The following MYCBP2 variants were observed in gnomAD, a reference collection of about 807,000 sequenced individuals.
MYCBP2 encodes E3 ubiquitin-protein ligase MYCBP2.
MYCBP2 carries 120 observed loss-of-function variants against 525.3 expected under a neutral mutation model. The ratio of observed to expected loss-of-function variants is 0.23; its 90% CI spans 0.20 to 0.27. The LOEUF (loss-of-function observed/expected upper bound fraction) is 0.27. MYCBP2 is among the 10% of genes least tolerant of loss of function. The pLI is 1.00. For synonymous variants in MYCBP2, 1,894 were observed against 1,955.8 expected, an observed-to-expected ratio of 0.97 and a Z score of 0.83; for missense variants, 4,149 against 5,657.1, an observed-to-expected ratio of 0.73 and a Z score of 8.55.
Position 77,326,355 on chromosome 13 carries a change from A to G in MYCBP2, c.302+119T>C. On this transcript the variant is annotated intron_variant, in intron 1 of 82. Transcript: ENST00000544440. The surrounding 1 kb of genome is among the most constrained non-coding windows in gnomAD (Gnocchi z 4.2). The stretch of plus-strand genomic sequence containing the variant: ...GCCAACAGACATCCAGAGCGGACTG[A>G]AAGCTCAATAAATGCGCAGGTACAC... The G allele has an allele frequency of 9.7e-7, 1 of 1,031,354 alleles. No individual in the cohort carries two copies. The allele number at this position is 1,031,354 out of a possible 1,614,324, so 63.9% of individuals were successfully genotyped here.
At chr13:77,171,358 C>T in intron 38 of MYCBP2, 134 bp downstream of exon 38, 1 of 826,714 alleles carries the variant, frequency 1.2e-6, no homozygotes, top group Non-Finnish European at 1.9e-6. Context: ...CAAAATTAAT[C>T]CATGGGTGGA....
chr13:77,058,297 G>A lies in MYCBP2; in HGVS notation c.13250C>T (p.Ala4417Val), dbSNP rs200915979. ...LPCLHGCDKS[A>V]TSLKQDADDM... ...ATCGGCGTCTTGCTTCAGGCTTGTG[G>A]CACTTTTGTCACAGCCGTGTAGACA... The change falls in exon 78 of 83, where the codon GCC (alanine) becomes GTC (valine). Residue 4417 changes from alanine to valine, a missense_variant. Ala to Val is a moderately conservative substitution (Grantham distance 64). Around this residue, in one of 21 missense-constraint regions of MYCBP2, gnomAD observed 220 missense variants for 396.0 expected, o/e 0.56. Coordinates refer to ENST00000544440, the MANE Select transcript of MYCBP2 (RefSeq NM_015057.5). This position sits in a 1 kb window ranked among gnomAD's most constrained non-coding sequence, Gnocchi z 4.1. 6.4e-5 allele frequency: 104 copies of A among 1,614,008 alleles called. No individual in the cohort carries two copies. Among genetic ancestry groups the A allele is most frequent in the Non-Finnish European group, 8.6e-5 (101 of 1,180,030 alleles).
chr13:77,255,368 T>C (rs1737601895), intron 14 of MYCBP2, among the ~76,000 whole-genome samples: 2 of 151,962 alleles, frequency 1.3e-5, no homozygotes, highest in South Asian at 4.1e-4. Flanking sequence ...GGTATGATTC[T>C]TATTAAAAAA....
chr13:77,117,144 T>G (rs1445649221), intron 55 of MYCBP2, among the ~76,000 whole-genome samples: 1 of 152,028 alleles, frequency 6.6e-6, no homozygotes, highest in African/African-American at 2.4e-5. Context: ...ATAAACTAAC[T>G]CCTCACTTCT....
chr13:77,101,880 T>C lies in MYCBP2; in HGVS notation c.8141-2867A>G, dbSNP rs139336865. Among the ~76,000 whole-genome samples the C allele has an allele frequency of 5.8e-3, 881 of 152,154 alleles. 9 individuals carry two copies. The highest frequency in any genetic ancestry group is 0.02 in the African/African-American group (848 of 41,548). ...AAATATTACTAAAAATTGTATGTTG[T>C]GGCTGCTCAAAATACCAACAAATAT... On this transcript the variant is annotated intron_variant, in intron 55 of 82. Coordinates refer to ENST00000544440, the MANE Select transcript of MYCBP2 (RefSeq NM_015057.5).
At chr13:77,175,676 A>G (rs1414769442) in intron 36 of MYCBP2, among the ~76,000 whole-genome samples, 1 of 152,290 alleles carries the variant, frequency 6.6e-6, no homozygotes, top group East Asian at 1.9e-4. Context: ...TTGTTAGGAA[A>G]TAGGCTGGGC....
intron 55 of MYCBP2, among the ~76,000 whole-genome samples, chr13:77,108,159 G>C (rs1451132422): frequency 6.6e-6 from 1 of 152,156 alleles, no homozygotes; most frequent in African/African-American, 2.4e-5. Flanking sequence ...TGATCTGAAT[G>C]TGGAAAGAAG....
chr13:77,148,946 ACTC>A (rs1195640777), intron 47 of MYCBP2, among the ~76,000 whole-genome samples: 6 of 151,758 alleles, frequency 4.0e-5, no homozygotes, highest in Non-Finnish European at 7.4e-5. Context: ...AACAAGCACT[ACTC>A]CTCCTCCTAT....
At chr13:77,085,927 T>C (rs2044178415) in intron 62 of MYCBP2, among the ~76,000 whole-genome samples, 1 of 152,216 alleles carries the variant, frequency 6.6e-6, no homozygotes, top group Admixed American at 6.5e-5. Context: ...GTTACAGGTA[T>C]ATGACAATCT....
chr13:77,233,005 A>G (rs1334477576), intron 18 of MYCBP2, 151 bp downstream of exon 18: 28 of 548,084 alleles, frequency 5.1e-5, no homozygotes, highest in Non-Finnish European at 9.6e-6. Context: ...GACAAACGGT[A>G]TCACTTTCAG....
At chr13:77,199,132 G>C (rs1049315592) in intron 26 of MYCBP2, among the ~76,000 whole-genome samples, 5 of 152,204 alleles carry the variant, frequency 3.3e-5, no homozygotes, top group African/African-American at 1.2e-4. Flanking sequence ...TGAGGTACCG[G>C]GTTCATCTCA....
intron 82 of MYCBP2, among the ~76,000 whole-genome samples, chr13:77,049,355 G>A (rs1344163524): frequency 6.6e-6 from 1 of 151,916 alleles, no homozygotes; most frequent in African/African-American, 2.4e-5. Context: ...ATGAGCAAAT[G>A]GTAAAAAGTA....
intron 45 of MYCBP2, among the ~76,000 whole-genome samples, chr13:77,157,565 G>A (rs1296315478): frequency 1.3e-5 from 2 of 151,984 alleles, no homozygotes; most frequent in African/African-American, 2.4e-5. Context: ...GGGCAACATG[G>A]GGAAACTCTG....
intron 15 of MYCBP2, among the ~76,000 whole-genome samples, chr13:77,247,081 C>A (rs916023937): frequency 3.9e-5 from 6 of 152,102 alleles, no homozygotes; most frequent in African/African-American, 1.2e-4. Context: ...TTTGACCAAT[C>A]CTAAACAGCA....
chr13:77,196,548 G>A (rs1477376575), intron 26 of MYCBP2, among the ~76,000 whole-genome samples: 3 of 152,146 alleles, frequency 2.0e-5, no homozygotes, highest in Non-Finnish European at 4.4e-5. Flanking sequence ...GGTTAGATAC[G>A]GGATTTATTT....
At chr13:77,129,957 C>G (rs1056600044) in intron 52 of MYCBP2, among the ~76,000 whole-genome samples, 8 of 151,694 alleles carry the variant, frequency 5.3e-5, no homozygotes, top group African/African-American at 1.7e-4. Flanking sequence ...CATTTAGGAT[C>G]TCTAAGTTTA....
chr13:77,250,126 G>A (rs1393191623), intron 15 of MYCBP2, among the ~76,000 whole-genome samples: 1 of 151,544 alleles, frequency 6.6e-6, no homozygotes, highest in Admixed American at 6.6e-5. Context: ...GGGAGGTCGA[G>A]GCAGGAGAAT....
rs74098727 is a variant in MYCBP2, at chr13:77,257,853, T to C, written c.2018-24A>G. On this transcript the variant is annotated intron_variant, in intron 13 of 82. Transcript: ENST00000544440. ...ACCTATAGGAAAGAAACAAATTTAG[T>C]AAAAACAACAAAAAGGCCCTTCTGA... 5.8e-3 allele frequency: 9,259 copies of C among 1,585,636 alleles called. 430 individuals are homozygous for C. In the African/African-American group the frequency reaches 0.1, roughly 18 times the overall value.
intron 4 of MYCBP2, among the ~76,000 whole-genome samples, chr13:77,275,882 G>A (rs2075498080): frequency 1.3e-5 from 2 of 152,200 alleles, no homozygotes; most frequent in Admixed American, 1.3e-4. Context: ...TACTCAGGAA[G>A]CTGAGGCAGG....
Sources: gnomAD v4.1 joint callset for allele counts (sites outside exome capture counted in the v4.1 genomes callset) on GRCh38, gnomAD v4.1.1 for gene constraint, gnomAD v4.1.1 regional missense constraint, Gnocchi (gnomAD v3.1) non-coding constraint, MANE v1.5 for transcripts, NCBI Gene and HGNC (gene_info 2026-07-23, HGNC 2026-07-21) for gene names.